Variants in ABHD18 observed in about 807,000 individuals in gnomAD.
ABHD18 encodes cardiolipin-specific deacylase, mitochondrial.
Under a neutral mutation model 65.9 loss-of-function variants are expected in ABHD18, and 55 were observed. The observed-to-expected ratio is 0.84, with a 90% CI of 0.67 to 1.05. The LOEUF (loss-of-function observed/expected upper bound fraction) is 1.05. Ranked by LOEUF, ABHD18 falls within the 50% of genes least tolerant of loss-of-function variation. The pLI is 0.00. For missense variants in ABHD18, 533 were observed against 558.5 expected (o/e 0.95, Z 0.46); for synonymous variants, 181 against 180.2 (o/e 1.00, Z -0.04).
chr4:127,989,661 C>T, intron 3 of ABHD18, 60 bp from the exon 4 acceptor site: 1 of 1,150,784 alleles, frequency 8.7e-7, no homozygotes. Flanking sequence ...GAAGAACATC[C>T]ATGACAGACC....
rs180947658 is a variant in ABHD18, at chr4:128,016,501, G to A, written c.471-862G>A. 3.0e-3 allele frequency among the ~76,000 whole-genome samples: 456 copies of A among 152,200 alleles called. 4 individuals are homozygous for A. The highest frequency in any genetic ancestry group is 0.011 in the African/African-American group (439 of 41,546). On this transcript the variant is annotated intron_variant, in intron 7 of 12. Coordinates refer to ENST00000645843, the MANE Select transcript of ABHD18 (RefSeq NM_001358451.3). ...TAAAAGTTATGCTTTAAGACTGGGC[G>A]TGGTGGCTCACGCCTGTAATCCCAG...
chr4:128,026,461 A>G (rs1260794484), intron 10 of ABHD18, among the ~76,000 whole-genome samples: 3 of 150,594 alleles, frequency 2.0e-5, no homozygotes, highest in African/African-American at 7.3e-5. Context: ...TCCACCTCAA[A>G]AAAAAAAAAA....
At chr4:127,974,258 C>T (rs1372519669) in intron 1 of ABHD18, among the ~76,000 whole-genome samples, 3 of 138,354 alleles carry the variant, frequency 2.2e-5, no homozygotes, top group Non-Finnish European at 1.5e-5. Flanking sequence ...AGAGCAATAG[C>T]ACTATCATAG....
chr4:127,972,354 G>T (rs1746994259), intron 1 of ABHD18, among the ~76,000 whole-genome samples: 1 of 152,052 alleles, frequency 6.6e-6, no homozygotes, highest in African/African-American at 2.4e-5. Context: ...CTCTGTGGAG[G>T]TCAGAGGGTC....
intron 7 of ABHD18, 42 bp from the exon 8 acceptor site, chr4:128,017,317 GTAAA>G: frequency 6.3e-7 from 1 of 1,587,388 alleles, no homozygotes; most frequent in Non-Finnish European, 8.6e-7. Flanking sequence ...ATATTAGCAT[GTAAA>G]TACATAAAAT....
At chr4:127,985,840 A>G (rs1008921586) in intron 3 of ABHD18, among the ~76,000 whole-genome samples, 13 of 136,684 alleles carry the variant, frequency 9.5e-5, no homozygotes, top group African/African-American at 3.9e-4. Context: ...CATCTCTACT[A>G]AAAAAAAAAT....
At chr4:128,028,063 C>A (rs1193151358) in intron 10 of ABHD18, among the ~76,000 whole-genome samples, 1 of 152,066 alleles carries the variant, frequency 6.6e-6, no homozygotes, top group Non-Finnish European at 1.5e-5. Flanking sequence ...GTTGTGCAAC[C>A]ATCACCACCA....
intron 9 of ABHD18, 114 bp from the exon 10 acceptor site, chr4:128,021,023 G>C: frequency 1.6e-6 from 1 of 615,850 alleles, no homozygotes. Context: ...AACAGAGTGA[G>C]ACTTCGTCTG....
At chr4:128,035,727 G>T (rs1401181273) in intron 12 of ABHD18, 35 bp from the exon 13 acceptor site, 2 of 1,329,644 alleles carry the variant, frequency 1.5e-6, no homozygotes, top group Admixed American at 2.3e-5. Context: ...CTTTTTGTTA[G>T]TTACTTAGAG....
At position 128,017,473 on chromosome 4, in the gene ABHD18, G is replaced by C; in HGVS notation, c.581G>C (p.Gly194Ala). Reference protein sequence around the residue: ...WLEREGYGPLGMTGISMGGHM... With the variant: ...WLEREGYGPLAMTGISMGGHM... ...GAGAGGGAAGGTTACGGCCCTTTAGGAATGACTGGAATATCCATGGGAGGA... is the reference window on the plus strand; with the variant it reads ...GAGAGGGAAGGTTACGGCCCTTTAGCAATGACTGGAATATCCATGGGAGGA... Residue 194 changes from glycine (G) to alanine (A), a missense_variant, in exon 8 of 13, where the codon GGA becomes GCA. Transcript: ENST00000645843. 1.2e-6 allele frequency: 2 copies of C among 1,613,152 alleles called. No homozygotes were observed. The highest frequency in any genetic ancestry group is 2.7e-5 in the African/African-American group (2 of 74,986).
chr4:127,981,348 G>T (rs1281402420), intron 1 of ABHD18, among the ~76,000 whole-genome samples: 1 of 152,046 alleles, frequency 6.6e-6, no homozygotes, highest in Admixed American at 6.6e-5. Flanking sequence ...CCCTTTAGTT[G>T]TTAGCACATT....
At position 128,021,128 on chromosome 4, in the gene ABHD18, T is replaced by C; in HGVS notation, c.700-9T>C. 1 of 1,509,272 alleles carries C rather than the reference T, an allele frequency of 6.6e-7. No homozygotes were observed. The highest frequency in any genetic ancestry group is 9.0e-7 in the Non-Finnish European group (1 of 1,110,570). The allele number at this position is 1,509,272 out of a possible 1,614,324, so 93.5% of individuals were successfully genotyped here. Reference sequence around the variant, plus strand: ...TGTGGTTTGATCTTAATTTAGCTTATTATTTCAGGGTGTGTTGAGTAAATC... The same window carrying C: ...TGTGGTTTGATCTTAATTTAGCTTACTATTTCAGGGTGTGTTGAGTAAATC... On this transcript the variant is annotated splice_polypyrimidine_tract_variant and intron_variant, in intron 9 of 12. Coordinates refer to ENST00000645843, the MANE Select transcript of ABHD18 (RefSeq NM_001358451.3).
chr4:128,025,065 A>T (rs903730426), intron 10 of ABHD18, among the ~76,000 whole-genome samples: 1 of 152,182 alleles, frequency 6.6e-6, no homozygotes, highest in Non-Finnish European at 1.5e-5. Flanking sequence ...GTATAAATAG[A>T]TACATATAGT....
chr4:128,010,432 G>A (rs747836816), intron 6 of ABHD18, among the ~76,000 whole-genome samples: 4 of 151,996 alleles, frequency 2.6e-5, no homozygotes, highest in Non-Finnish European at 4.4e-5. Context: ...AGGAGGCTGA[G>A]GCAGGAGAAT....
rs750845518 is a variant in ABHD18 at position 127,971,969 on chromosome 4, C to T, written c.-18+6363C>T. 2.0e-5 allele frequency among the ~76,000 whole-genome samples: 3 copies of T among 152,066 alleles called. No individual in the cohort carries two copies. In the East Asian group the frequency reaches 5.8e-4, roughly 29 times the overall value. Reference sequence around the variant, plus strand: ...TCTTCAGATGCACTTCAGGGGTCTCCAGGCCTCTCATCCTTCTGACCGACT... The same window carrying T: ...TCTTCAGATGCACTTCAGGGGTCTCTAGGCCTCTCATCCTTCTGACCGACT... On this transcript the variant is annotated intron_variant, in intron 1 of 12. Transcript: ENST00000645843.
intron 4 of ABHD18, among the ~76,000 whole-genome samples, chr4:127,997,701 T>C (rs1751966746): frequency 6.6e-6 from 1 of 152,202 alleles, no homozygotes; most frequent in Admixed American, 6.5e-5. Flanking sequence ...AACTATGTGA[T>C]TAAAGATGTG....
intron 1 of ABHD18, among the ~76,000 whole-genome samples, chr4:127,972,107 A>G (rs961173039): frequency 3.9e-5 from 6 of 152,146 alleles, no homozygotes; most frequent in Non-Finnish European, 7.3e-5. Context: ...AAAGGATACA[A>G]CTCAGGAACA....
chr4:128,033,315 G>C (rs1244081008), intron 12 of ABHD18, among the ~76,000 whole-genome samples: 1 of 151,962 alleles, frequency 6.6e-6, no homozygotes, highest in Non-Finnish European at 1.5e-5. Flanking sequence ...CCCTATTGCT[G>C]TCATATCTGT....
At chr4:128,034,233 A>T (rs1451063227) in intron 12 of ABHD18, among the ~76,000 whole-genome samples, 1 of 152,194 alleles carries the variant, frequency 6.6e-6, no homozygotes, top group African/African-American at 2.4e-5. Flanking sequence ...CTGGGATTAC[A>T]GGCGTAAGCC....
Sources: gnomAD v4.1 joint callset for allele counts (sites outside exome capture counted in the v4.1 genomes callset) on GRCh38, gnomAD v4.1.1 for gene constraint, MANE v1.5 for transcripts, NCBI Gene and HGNC (gene_info 2026-07-23, HGNC 2026-07-21) for gene names.